Variants in CENATAC observed in about 807,000 individuals in gnomAD.
The protein encoded by CENATAC is centrosomal AT-AC splicing factor, also known as coiled-coil domain containing 84.
CENATAC carries 53 observed loss-of-function variants against 53.7 expected under a neutral mutation model. The observed-to-expected ratio is 0.99, with a 90% CI of 0.79 to 1.24. The LOEUF (loss-of-function observed/expected upper bound fraction) is 1.24. Among genes scored for constraint, CENATAC ranks in the 50% most tolerant of loss-of-function variants. CENATAC has a pLI of 0.00. For missense variants in CENATAC, 474 were observed against 417.8 expected (o/e 1.13, Z -1.17); for synonymous variants, 156 against 144.6 (o/e 1.08, Z -0.57).
chr11:119,010,285 G>T (rs1412282089), intron 3 of CENATAC: 1 of 156,390 alleles, frequency 6.4e-6, no homozygotes, highest in Non-Finnish European at 1.4e-5. Context: ...GATTCCATGT[G>T]ATCTTTTGTT....
At chr11:119,015,105 AG>A (rs1473086186) in intron 9 of CENATAC, 22 bp downstream of exon 9, 1 of 1,571,694 alleles carries the variant, frequency 6.4e-7, no homozygotes, top group South Asian at 1.1e-5. Flanking sequence ...AATTCAAGAG[AG>A]GATCGTCTAA....
intron 9 of CENATAC, 61 bp downstream of exon 9, chr11:119,015,144 G>C: frequency 6.7e-7 from 1 of 1,502,106 alleles, no homozygotes; most frequent in Non-Finnish European, 9.2e-7. Context: ...TGGTTTCCTT[G>C]CCTGTGTGTG....
In CENATAC at chr11:119,015,407, C is replaced by T. The variant is rs10111; in HGVS notation, c.906C>T (p.Arg302=). The change falls in exon 10 of 11, where the codon CGC becomes CGT. Residue 302 remains arginine, a synonymous_variant. Coordinates refer to ENST00000334418, the MANE Select transcript of CENATAC (RefSeq NM_198489.3). ...CAGGCTGGCTGCCCTCTTTTGGCCG[C>T]GTCTGGAATAATGGACGCCGCTGGC... ...TSAGWLPSFG[R]VWNNGRRWQS... The T allele has an allele frequency of 0.23, 370,166 of 1,613,732 alleles. 44,057 individuals carry two copies. Among genetic ancestry groups the T allele is most frequent in the African/African-American group, 0.33 (24,726 of 74,956 alleles).
chr11:119,007,117 G>A (rs1942643474), intron 3 of CENATAC, among the ~76,000 whole-genome samples: 1 of 152,162 alleles, frequency 6.6e-6, no homozygotes, highest in African/African-American at 2.4e-5. Context: ...AGGAGCCCAG[G>A]TTCCAGATAA....
chr11:119,012,318 C>T, intron 7 of CENATAC, 64 bp downstream of exon 7: 1 of 1,571,784 alleles, frequency 6.4e-7, no homozygotes, highest in Non-Finnish European at 8.7e-7. Flanking sequence ...CCCCTTTCTC[C>T]TGATTTTCTA....
intron 2 of CENATAC, 85 bp from the exon 3 acceptor site, chr11:118,998,926 C>A: frequency 9.7e-7 from 1 of 1,030,704 alleles, no homozygotes; most frequent in South Asian, 1.4e-5. Flanking sequence ...ACCCAGATGT[C>A]AGTTTGCATT....
At chr11:119,013,691 C>T (rs1158100089) in intron 8 of CENATAC, among the ~76,000 whole-genome samples, 1 of 151,878 alleles carries the variant, frequency 6.6e-6, no homozygotes, top group Non-Finnish European at 1.5e-5. Context: ...TCTCGATCTC[C>T]TGACCTCGTG....
chr11:119,015,506 CATCATCGTGTTAACCCTTT>C lies in CENATAC; in HGVS notation c.939-29_939-11del. On this transcript the variant is annotated splice_polypyrimidine_tract_variant and intron_variant, in intron 10 of 10. Coordinates refer to ENST00000334418, the MANE Select transcript of CENATAC (RefSeq NM_198489.3). ...CCTCCTTTTTGGAGATGTCACCCTT[CATCATCGTGTTAACCCTTT>C]ATTTCCTTTCAGACATCAATTCAAA... The C allele has an allele frequency of 1.2e-6, 2 of 1,614,038 alleles. No individual in the cohort carries two copies. The highest frequency in any genetic ancestry group is 1.7e-6 in the Non-Finnish European group (2 of 1,179,896).
intron 1 of CENATAC, 52 bp from the exon 2 acceptor site, chr11:118,998,378 G>A (rs1942116898): frequency 5.0e-6 from 8 of 1,611,824 alleles, no homozygotes; most frequent in Non-Finnish European, 1.7e-6. Flanking sequence ...AGGCCAGAGC[G>A]GGTGTGATTT....
intron 3 of CENATAC, 200 bp from the exon 4 acceptor site, chr11:119,010,564 C>T (rs1942819576): frequency 9.2e-6 from 5 of 542,488 alleles, no homozygotes; most frequent in South Asian, 6.3e-5. Context: ...GCAAAAAGGA[C>T]GTGTGTCTGT....
chr11:119,007,574 C>A lies in CENATAC; in HGVS notation c.384-3190C>A, dbSNP rs1488622772. Among the ~76,000 whole-genome samples, 3 of 152,160 alleles carry A rather than the reference C, an allele frequency of 2.0e-5. No homozygotes were observed. In the East Asian group the frequency reaches 5.8e-4, roughly 29 times the overall value. On this transcript the variant is annotated intron_variant, in intron 3 of 10. Transcript: ENST00000334418. ...ATACAATGACAGCTCACTACAGCCT[C>A]AACCTCCCAGGCTCAAGCAATCCTC...
At chr11:119,006,459 A>ATC (rs1942603676) in intron 3 of CENATAC, among the ~76,000 whole-genome samples, 1 of 151,948 alleles carries the variant, frequency 6.6e-6, no homozygotes, top group Non-Finnish European at 1.5e-5. Flanking sequence ...GATGGTCTTG[A>ATC]TCTCCTGACC....
At chr11:119,014,698 G>A in intron 8 of CENATAC, 1 of 229,922 alleles carries the variant, frequency 4.3e-6, no homozygotes, top group Non-Finnish European at 8.3e-6. Flanking sequence ...TGGGGGCAGT[G>A]ATACTTACAG....
chr11:119,015,155 G>A, intron 9 of CENATAC, 72 bp downstream of exon 9: 1 of 1,467,402 alleles, frequency 6.8e-7, no homozygotes, highest in Non-Finnish European at 9.5e-7. Context: ...CCTGTGTGTG[G>A]TGGCTCATGG....
intron 8 of CENATAC, chr11:119,014,032 A>G (rs538778172): frequency 9.2e-5 from 14 of 152,326 alleles, no homozygotes; most frequent in African/African-American, 3.1e-4. Context: ...CACTGCTCTT[A>G]GAATGTAAAC....
Position 119,011,963 on chromosome 11 carries a change from G to T in CENATAC, c.538G>T (p.Glu180Ter), listed in dbSNP as rs1942890192. 6 of 1,614,090 alleles carry T rather than the reference G, an allele frequency of 3.7e-6. No homozygotes were observed. In the East Asian group the frequency reaches 1.3e-4, roughly 36 times the overall value. Residue 180 changes from glutamate to a stop codon, truncating the protein, a stop_gained, in exon 6 of 11, where the codon GAG becomes TAG. Coordinates refer to ENST00000334418, the MANE Select transcript of CENATAC (RefSeq NM_198489.3). LOFTEE classifies it high-confidence loss of function. Reference protein sequence around the residue: ...LEPQAVPDPEEGSSAPRSWKG... With the variant: ...LEPQAVPDPE ...GCCTCAGGCAGTGCCAGACCCAGAAGAGGGCTCTTCAGCACCTAGAAGCTG... is the reference window on the plus strand; with the variant it reads ...GCCTCAGGCAGTGCCAGACCCAGAATAGGGCTCTTCAGCACCTAGAAGCTG...
intron 8 of CENATAC, among the ~76,000 whole-genome samples, chr11:119,013,549 C>T (rs1170291710): frequency 1.3e-5 from 2 of 150,696 alleles, no homozygotes; most frequent in African/African-American, 2.4e-5. Context: ...CTGCAAGCTC[C>T]GCCTCCCGGG....
chr11:119,011,275 G>C lies in CENATAC; in HGVS notation c.505G>C (p.Val169Leu). ...GAGCCGACAGGAGGTGGTTCGGTCT[G>C]TCTTAGAGGTTGGTTTCCCTCGGAG... is the stretch of plus-strand genomic sequence containing the variant. ...EQSRQEVVRSVLEPQAVPDPE... is the reference protein window; with the variant it reads ...EQSRQEVVRSLLEPQAVPDPE... The change falls in exon 5 of 11, where the codon GTC (valine) becomes CTC (leucine). Residue 169 changes from valine to leucine, a missense_variant. Val to Leu is a conservative substitution (Grantham distance 32). Transcript: ENST00000334418. 1.9e-6 allele frequency: 3 copies of C among 1,614,104 alleles called. No homozygotes were observed. Among genetic ancestry groups the C allele is most frequent in the Non-Finnish European group, 2.5e-6 (3 of 1,179,966 alleles).
In CENATAC at chr11:119,015,044, C is replaced by A. The variant is rs527738305; in HGVS notation, c.766C>A (p.Gln256Lys). The change falls in exon 9 of 11, where the codon CAA becomes AAA. Residue 256 changes from glutamine (Q) to lysine (K), a missense_variant. By Grantham distance (53) the Gln-to-Lys change is moderately conservative (BLOSUM62 1). Coordinates refer to ENST00000334418, the MANE Select transcript of CENATAC (RefSeq NM_198489.3). ...AGATGAAGAATACATTGCTGGGAAC[C>A]AAGAAATAGGACCATCCTATGAAGA... ...IQDEEYIAGN[Q>K]EIGPSYEEFL... 8 of 1,611,328 alleles carry A rather than the reference C, an allele frequency of 5.0e-6. No homozygotes were observed. In the South Asian group the frequency reaches 7.7e-5, roughly 16 times the overall value.
Sources: gnomAD v4.1 joint callset for allele counts (sites outside exome capture counted in the v4.1 genomes callset) on GRCh38, gnomAD v4.1.1 for gene constraint, MANE v1.5 for transcripts, NCBI Gene and HGNC (gene_info 2026-07-23, HGNC 2026-07-21) for gene names.